Variants in SYT9 observed in about 807,000 individuals in gnomAD.
The protein encoded by SYT9 is synaptotagmin 9, also known as synaptotagmin-9.
A neutral mutation model predicts 48.4 loss-of-function variants in SYT9; 22 were observed. That is an observed-to-expected ratio of 0.45 (90% CI 0.32 to 0.65). The LOEUF (loss-of-function observed/expected upper bound fraction) is 0.65, where lower values mean the gene tolerates loss of function less well. Among genes scored for constraint, SYT9 ranks in the 30% least tolerant of loss-of-function variants. The pLI, the probability that SYT9 is intolerant of heterozygous loss-of-function variation, is 0.03. For missense variants in SYT9, 577 were observed against 622.0 expected, an observed-to-expected ratio of 0.93 and a Z score of 0.77; for synonymous variants, 265 against 245.0, an observed-to-expected ratio of 1.08 and a Z score of -0.76.
At chr11:7,373,771 A>T (rs1564880992) in intron 3 of SYT9, among the ~76,000 whole-genome samples, 1 of 152,046 alleles carries the variant, frequency 6.6e-6, no homozygotes, top group Non-Finnish European at 1.5e-5. Context: ...AAGCACCTGG[A>T]GGGTGGGAAA....
intron 1 of SYT9, among the ~76,000 whole-genome samples, chr11:7,278,661 G>A (rs1042371248): frequency 1.1e-4 from 17 of 152,096 alleles, no homozygotes; most frequent in African/African-American, 3.9e-4. Context: ...TCTATAATAC[G>A]GAGAAAATTT....
At chr11:7,323,583 G>A (rs909940322) in intron 3 of SYT9, among the ~76,000 whole-genome samples, 1 of 151,768 alleles carries the variant, frequency 6.6e-6, no homozygotes, top group African/African-American at 2.4e-5. Context: ...TAGGACATTG[G>A]CTATAGACTT....
At chr11:7,381,945 C>T (rs2134046852) in intron 3 of SYT9, among the ~76,000 whole-genome samples, 1 of 152,264 alleles carries the variant, frequency 6.6e-6, no homozygotes, top group Middle Eastern at 3.4e-3. Context: ...GAATCCCAAT[C>T]ATGTGGGGAA....
At chr11:7,359,180 T>A (rs1850080032) in intron 3 of SYT9, among the ~76,000 whole-genome samples, 3 of 130,218 alleles carry the variant, frequency 2.3e-5, no homozygotes. Context: ...GGACATGAAC[T>A]CATCATTTTT....
At chr11:7,432,547 CAAAAAAAAAAAAAAAAAAAAAAA>C (rs67650978) in intron 6 of SYT9, among the ~76,000 whole-genome samples, 1 of 16,950 alleles carries the variant, frequency 5.9e-5, no homozygotes, top group African/African-American at 2.2e-4. Flanking sequence ...GACTCCATCT[CAAAAAAAAAAAAAAAAAAAAAAA>C]AAAAAAAAAA....
chr11:7,303,039 A>T lies in SYT9; in HGVS notation c.146A>T (p.Asp49Val), dbSNP rs762599599. ...DRARPRLRDP[D>V]ISVSLLTLVV... is the part of the protein sequence containing the mutation. ...ACCTTTGATCTTTGCTTCTTTGCAG[A>T]TATCTCAGTGAGCCTGCTGACCCTT... is the stretch of plus-strand genomic sequence containing the variant. Residue 49 changes from aspartate (D) to valine (V), a missense_variant and splice_region_variant, in exon 2 of 7, where the codon GAT becomes GTT. Physicochemically the swap from Asp to Val is radical, Grantham distance 152 (BLOSUM62 -3). Coordinates refer to ENST00000318881, the MANE Select transcript of SYT9 (RefSeq NM_175733.4). The T allele has an allele frequency of 4.3e-6, 7 of 1,613,484 alleles. No homozygotes were observed. The highest frequency in any genetic ancestry group is 5.9e-6 in the Non-Finnish European group (7 of 1,179,444).
chr11:7,396,786 G>A (rs1846762574), intron 3 of SYT9, among the ~76,000 whole-genome samples: 1 of 152,050 alleles, frequency 6.6e-6, no homozygotes, highest in Non-Finnish European at 1.5e-5. Context: ...TGGTTGTGTA[G>A]CAATATCTCA....
chr11:7,413,088 G>C (rs1192158308), intron 3 of SYT9, among the ~76,000 whole-genome samples: 5 of 152,212 alleles, frequency 3.3e-5, no homozygotes, highest in Non-Finnish European at 7.3e-5. Context: ...AGAATGCTCA[G>C]GTGAGGGCAC....
At chr11:7,288,191 C>T (rs1423604285) in intron 1 of SYT9, among the ~76,000 whole-genome samples, 1 of 151,690 alleles carries the variant, frequency 6.6e-6, no homozygotes, top group Non-Finnish European at 1.5e-5. Context: ...GGTGGAGGGG[C>T]AGTACTCCAT....
intron 1 of SYT9, among the ~76,000 whole-genome samples, chr11:7,265,480 G>T (rs923877330): frequency 6.6e-6 from 1 of 152,130 alleles, no homozygotes; most frequent in African/African-American, 2.4e-5. Context: ...GCCTTCAGGG[G>T]TGACACCTAA....
At position 7,288,381 on chromosome 11, in the gene SYT9, C is replaced by A. The variant is rs1482625892; in HGVS notation, c.146-14658C>A. Among the ~76,000 whole-genome samples, 4 of 151,970 alleles carry A rather than the reference C, an allele frequency of 2.6e-5. No individual in the cohort carries two copies. The East Asian group carries it at 7.7e-4, about 29-fold the overall frequency. ...GATAATGTCTCATCCTTTCTAATACCTCTTATTTCTGTTCCATTTATTATT... is the reference window on the plus strand; with the variant it reads ...GATAATGTCTCATCCTTTCTAATACATCTTATTTCTGTTCCATTTATTATT... On this transcript the variant is annotated intron_variant, in intron 1 of 6. Coordinates refer to ENST00000318881, the MANE Select transcript of SYT9 (RefSeq NM_175733.4).
At chr11:7,369,692 A>G (rs1383988508) in intron 3 of SYT9, among the ~76,000 whole-genome samples, 1 of 150,656 alleles carries the variant, frequency 6.6e-6, no homozygotes, top group Non-Finnish European at 1.5e-5. Context: ...TTTTCTGCAT[A>G]TGGCTAGCCA....
At chr11:7,265,570 G>A (rs1488250355) in intron 1 of SYT9, among the ~76,000 whole-genome samples, 1 of 151,878 alleles carries the variant, frequency 6.6e-6, no homozygotes, top group Non-Finnish European at 1.5e-5. Flanking sequence ...ACAGCCCCTT[G>A]GTCAAAATAA....
chr11:7,342,481 A>G (rs1564869476), intron 3 of SYT9, among the ~76,000 whole-genome samples: 2 of 152,224 alleles, frequency 1.3e-5, no homozygotes, highest in Admixed American at 6.5e-5. Context: ...TAAAGCTCCA[A>G]TATGATATCC....
chr11:7,338,549 C>G (rs934944290), intron 3 of SYT9, among the ~76,000 whole-genome samples: 20 of 152,098 alleles, frequency 1.3e-4, no homozygotes, highest in Non-Finnish European at 2.6e-4. Flanking sequence ...TATGTTGTGT[C>G]TTTGTTCTCA....
chr11:7,423,786 G>T (rs558681107), intron 6 of SYT9, among the ~76,000 whole-genome samples: 2 of 152,046 alleles, frequency 1.3e-5, no homozygotes, highest in South Asian at 2.1e-4. Context: ...GGGGGGAAGG[G>T]GTCATCCAGT....
At chr11:7,344,918 G>A (rs1425466917) in intron 3 of SYT9, among the ~76,000 whole-genome samples, 2 of 115,792 alleles carry the variant, frequency 1.7e-5, no homozygotes, top group Admixed American at 2.1e-4. Context: ...TTTATAATCA[G>A]CTCATTATTT....
At chr11:7,266,912 T>C (rs1489414459) in intron 1 of SYT9, among the ~76,000 whole-genome samples, 1 of 152,120 alleles carries the variant, frequency 6.6e-6, no homozygotes, top group Non-Finnish European at 1.5e-5. Flanking sequence ...TTTGTAGTAC[T>C]TGATTCCTTA....
At chr11:7,308,189 T>A (rs1314080113) in intron 2 of SYT9, among the ~76,000 whole-genome samples, 1 of 152,182 alleles carries the variant, frequency 6.6e-6, no homozygotes, top group Non-Finnish European at 1.5e-5. Flanking sequence ...TTTCCATAAT[T>A]CCCTGCCTTG....
Sources: gnomAD v4.1 joint callset for allele counts (sites outside exome capture counted in the v4.1 genomes callset) on GRCh38, gnomAD v4.1.1 for gene constraint, MANE v1.5 for transcripts, NCBI Gene and HGNC (gene_info 2026-07-23, HGNC 2026-07-21) for gene names.